Variants in GBX1 observed in about 807,000 individuals in gnomAD.
GBX1 encodes homeobox protein GBX-1.
Under a neutral mutation model 22.9 loss-of-function variants are expected in GBX1, and 9 were observed. That is an observed-to-expected ratio of 0.39 (90% CI 0.24 to 0.69). GBX1 has a LOEUF of 0.69. GBX1 is among the 30% of genes least tolerant of loss of function. The pLI is 0.43. For synonymous variants in GBX1, 203 were observed against 227.3 expected, an observed-to-expected ratio of 0.89 and a Z score of 0.96; for missense variants, 494 against 509.2, an observed-to-expected ratio of 0.97 and a Z score of 0.29.
intron 1 of GBX1, among the ~76,000 whole-genome samples, chr7:151,154,462 T>G (rs554243872): frequency 2.0e-5 from 3 of 152,208 alleles, no homozygotes; most frequent in Non-Finnish European, 4.4e-5. Flanking sequence ...CTGTCCTTTA[T>G]GATGAGGATG....
At chr7:151,166,241 G>A (rs1801248547) in intron 1 of GBX1, among the ~76,000 whole-genome samples, 1 of 152,016 alleles carries the variant, frequency 6.6e-6, no homozygotes, top group Non-Finnish European at 1.5e-5. Flanking sequence ...ATTCATGGAG[G>A]GTCCAGGGCC....
intron 1 of GBX1, among the ~76,000 whole-genome samples, chr7:151,156,032 C>T (rs1801129428): frequency 6.6e-6 from 1 of 152,108 alleles, no homozygotes; most frequent in African/African-American, 2.4e-5. Flanking sequence ...CTTGTAAAAG[C>T]CCTCTCCCCA....
In GBX1 at chr7:151,167,239, C is replaced by T; in HGVS notation, c.310G>A (p.Ala104Thr). The part of the protein sequence containing the change: ...AVPSMVALTT[A>T]LPSFAEPPDA... Reference sequence around the variant, plus strand: ...GGCGGCTCCGCGAAGCTGGGCAGCGCGGTGGTCAGCGCCACCATCGAGGGC... The same window carrying T: ...GGCGGCTCCGCGAAGCTGGGCAGCGTGGTGGTCAGCGCCACCATCGAGGGC... Residue 104 changes from alanine to threonine, a missense_variant, in exon 1 of 2, where the codon GCG (alanine) becomes ACG (threonine). By Grantham distance (58) the Ala-to-Thr change is moderately conservative. Around this residue, in one of 3 missense-constraint regions of GBX1, gnomAD observed 365 missense variants for 340.4 expected, o/e 1.07. Coordinates refer to ENST00000297537, the MANE Select transcript of GBX1 (RefSeq NM_001098834.3). This position sits in a 1 kb window ranked among gnomAD's most constrained non-coding sequence, Gnocchi z 5.9. 6.4e-7 allele frequency: 1 copy of T among 1,551,592 alleles called. No individual in the cohort carries two copies. Among genetic ancestry groups the T allele is most frequent in the Non-Finnish European group, 8.7e-7 (1 of 1,150,830 alleles).
intron 1 of GBX1, among the ~76,000 whole-genome samples, chr7:151,164,539 C>T (rs1445749390): frequency 2.0e-5 from 3 of 152,220 alleles, no homozygotes; most frequent in African/African-American, 4.8e-5. Context: ...AAGCAGCCGT[C>T]ACAGATAGGA....
At chr7:151,149,617 GGGA>G (rs1387382462) in intron 1 of GBX1, among the ~76,000 whole-genome samples, 1 of 152,192 alleles carries the variant, frequency 6.6e-6, no homozygotes, top group Non-Finnish European at 1.5e-5. Context: ...AGCCACTGGG[GGGA>G]GGAGTGAAGC....
At position 151,167,503 on chromosome 7, in the gene GBX1, C is replaced by G; in HGVS notation, c.46G>C (p.Gly16Arg). Residue 16 changes from glycine to arginine, a missense_variant, in exon 1 of 2, where the codon GGC (glycine) becomes CGC (arginine). Gly to Arg is a moderately radical substitution (Grantham distance 125, BLOSUM62 -2). Coordinates refer to ENST00000297537, the MANE Select transcript of GBX1 (RefSeq NM_001098834.3). This position sits in a 1 kb window ranked among gnomAD's most constrained non-coding sequence, Gnocchi z 5.9. ...GGSAPGGNGGGGGGGPGTAFS... is the reference protein window; with the variant it reads ...GGSAPGGNGGRGGGGPGTAFS... ...GCAGTGCCCGGGCCCCCGCCGCCGCCCCCGCCGTTGCCCCCAGGGGCGCTA... is the reference window on the plus strand; with the variant it reads ...GCAGTGCCCGGGCCCCCGCCGCCGCGCCCGCCGTTGCCCCCAGGGGCGCTA... 1 of 1,483,940 alleles carries G rather than the reference C, an allele frequency of 6.7e-7. No homozygotes were observed. Among genetic ancestry groups the G allele is most frequent in the Non-Finnish European group, 8.9e-7 (1 of 1,126,580 alleles). The allele number at this position is 1,483,940 out of a possible 1,614,324, so 91.9% of individuals were successfully genotyped here. A position where few individuals can be genotyped will look rare whatever the true frequency, so the allele number is the denominator to read the frequency against.
Position 151,167,003 on chromosome 7 carries a change from G to A in GBX1, c.538+8C>T, listed in dbSNP as rs1801261144. On this transcript the variant is annotated splice_region_variant and intron_variant, in intron 1 of 1. Coordinates refer to ENST00000297537, the MANE Select transcript of GBX1 (RefSeq NM_001098834.3). This position sits in a 1 kb window ranked among gnomAD's most constrained non-coding sequence, Gnocchi z 5.9. The stretch of plus-strand genomic sequence containing the variant: ...CTCCCGCCAGCCCTGGTCGGCCCTA[G>A]CACTTACCGGGCAGACTTGGAAAAG... 6.2e-7 allele frequency: 1 copy of A among 1,604,946 alleles called. No homozygotes were observed. Among genetic ancestry groups the A allele is most frequent in the Non-Finnish European group, 8.5e-7 (1 of 1,176,980 alleles).
rs1006996543 is a variant in GBX1, at chr7:151,167,263, G to T, written c.286C>A (p.Pro96Thr). ...GCGGTGGTCAGCGCCACCATCGAGG[G>T]CACAGCCTGACCCAGCCCCGCGCAG... ...TFCAGLGQAV[P>T]SMVALTTALP... The change falls in exon 1 of 2, where the codon CCC becomes ACC. Residue 96 changes from proline (P) to threonine (T), a missense_variant. Physicochemically the swap from Pro to Thr is conservative, Grantham distance 38. Around this residue, in one of 3 missense-constraint regions of GBX1, gnomAD observed 365 missense variants for 340.4 expected, o/e 1.07. Transcript: ENST00000297537. The surrounding 1 kb of genome is among the most constrained non-coding windows in gnomAD (Gnocchi z 5.9). 6.5e-7 allele frequency: 1 copy of T among 1,549,576 alleles called. No homozygotes were observed. The highest frequency in any genetic ancestry group is 1.2e-5 in the South Asian group (1 of 83,644).
intron 1 of GBX1, among the ~76,000 whole-genome samples, chr7:151,157,483 C>T (rs1801148186): frequency 6.6e-6 from 1 of 152,194 alleles, no homozygotes; most frequent in Non-Finnish European, 1.5e-5. Context: ...GAACTCTCTT[C>T]AGACCTTCAC....
chr7:151,167,335 G>T lies in GBX1; in HGVS notation c.214C>A (p.Pro72Thr). The T allele has an allele frequency of 6.6e-7, 1 of 1,513,870 alleles. No homozygotes were observed. 93.8% of individuals were successfully genotyped at this position (1,513,870 alleles called of 1,614,324 possible). Residue 72 changes from proline (P) to threonine (T), a missense_variant, in exon 1 of 2, where the codon CCC becomes ACC. Physicochemically the swap from Pro to Thr is conservative, Grantham distance 38. Transcript: ENST00000297537. This position sits in a 1 kb window ranked among gnomAD's most constrained non-coding sequence, Gnocchi z 5.9. Reference sequence around the variant, plus strand: ...GCGAAAGAGGCTAGCGGGGCGAGGGGCGGGAGGCCAGCGGGCAGCGGCGCA... The same window carrying T: ...GCGAAAGAGGCTAGCGGGGCGAGGGTCGGGAGGCCAGCGGGCAGCGGCGCA... ...APAPLPAGLP[P>T]LAPLASFAGR...
chr7:151,160,689 A>T (rs1801179927), intron 1 of GBX1, among the ~76,000 whole-genome samples: 1 of 152,150 alleles, frequency 6.6e-6, no homozygotes, highest in African/African-American at 2.4e-5. Context: ...CCTCTATTGC[A>T]CCAAATGCAA....
At chr7:151,165,971 G>T (rs143775534) in intron 1 of GBX1, among the ~76,000 whole-genome samples, 123 of 152,338 alleles carry the variant, frequency 8.1e-4, no homozygotes, top group Non-Finnish European at 1.4e-3. Context: ...GAATGGTTGA[G>T]CAGAAGCGGT....
chr7:151,149,479 C>T (rs1204376799), intron 1 of GBX1, among the ~76,000 whole-genome samples: 1 of 152,136 alleles, frequency 6.6e-6, no homozygotes, highest in East Asian at 1.9e-4. Context: ...CACCACCTCC[C>T]CAGCTTTCTC....
At position 151,167,149 on chromosome 7, in the gene GBX1, GGGCGGCAGTGGCGGCGGC is replaced by G. The variant is rs764823303; in HGVS notation, c.382_399del (p.Ala128_Ala133del). 18 of 1,598,988 alleles carry G rather than the reference GGGCGGCAGTGGCGGCGGC, an allele frequency of 1.1e-5. No homozygotes were observed. The highest frequency in any genetic ancestry group is 3.4e-5 in the Admixed American group (2 of 58,048). ...CGGCCGCCTGGCTCGGGGTTGTTTC[GGGCGGCAGTGGCGGCGGC>G]GGCGGCAGCGGCGGCGGCGAGCTCC... On this transcript the variant is annotated inframe_deletion, in exon 1 of 2. Transcript: ENST00000297537. This position sits in a 1 kb window ranked among gnomAD's most constrained non-coding sequence, Gnocchi z 5.9.
At position 151,156,385 on chromosome 7, in the gene GBX1, C is replaced by CAAAA. The variant is rs56947735; in HGVS notation, c.539-7247_539-7244dup. ...TGGGCGACAGAGTGAGACCCTGTCTCAAAAAAAAAAAAAAAAAAAAAAAAA... is the reference window on the plus strand; with the variant it reads ...TGGGCGACAGAGTGAGACCCTGTCTCAAAAAAAAAAAAAAAAAAAAAAAAAAAAA... On this transcript the variant is annotated intron_variant, in intron 1 of 1. Coordinates refer to ENST00000297537, the MANE Select transcript of GBX1 (RefSeq NM_001098834.3). 5.5e-3 allele frequency among the ~76,000 whole-genome samples: 88 copies of CAAAA among 15,922 alleles called. 6 individuals are homozygous for CAAAA. The highest frequency in any genetic ancestry group is 8.9e-3 in the Non-Finnish European group (69 of 7,760). 10.4% of individuals were successfully genotyped at this position (15,922 alleles called of 152,430 possible).
rs1801274306 is a variant in GBX1 at position 151,167,507 on chromosome 7, G to A, written c.42C>T (p.Gly14=). Residue 14 remains glycine (G), a synonymous_variant, in exon 1 of 2, where the codon GGC becomes GGT. Transcript: ENST00000297537. This position sits in a 1 kb window ranked among gnomAD's most constrained non-coding sequence, Gnocchi z 5.9. ...AGGGSAPGGN[G]GGGGGGPGTA... is the part of the protein sequence containing the mutation. Reference sequence around the variant, plus strand: ...TGCCCGGGCCCCCGCCGCCGCCCCCGCCGTTGCCCCCAGGGGCGCTACCGC... The same window carrying A: ...TGCCCGGGCCCCCGCCGCCGCCCCCACCGTTGCCCCCAGGGGCGCTACCGC... 2 of 1,481,714 alleles carry A rather than the reference G, an allele frequency of 1.3e-6. No homozygotes were observed. Among genetic ancestry groups the A allele is most frequent in the African/African-American group, 3.0e-5 (2 of 67,080 alleles). 91.8% of individuals were successfully genotyped at this position (1,481,714 alleles called of 1,614,324 possible).
At chr7:151,150,530 C>T (rs1801065291) in intron 1 of GBX1, among the ~76,000 whole-genome samples, 1 of 152,134 alleles carries the variant, frequency 6.6e-6, no homozygotes, top group Non-Finnish European at 1.5e-5. Flanking sequence ...AAATTCAGGG[C>T]ACGGGGAAAG....
intron 1 of GBX1, among the ~76,000 whole-genome samples, chr7:151,164,988 A>C (rs185379817): frequency 2.3e-4 from 34 of 150,572 alleles, no homozygotes; most frequent in South Asian, 8.4e-4. Flanking sequence ...CACACACACA[A>C]ACACACACAC....
At chr7:151,162,624 A>G (rs1801197589) in intron 1 of GBX1, among the ~76,000 whole-genome samples, 1 of 152,218 alleles carries the variant, frequency 6.6e-6, no homozygotes, top group African/African-American at 2.4e-5. Flanking sequence ...CACTATGCCC[A>G]ATACTGGTAT....
Sources: gnomAD v4.1 joint callset for allele counts (sites outside exome capture counted in the v4.1 genomes callset) on GRCh38, gnomAD v4.1.1 for gene constraint, gnomAD v4.1.1 regional missense constraint, Gnocchi (gnomAD v3.1) non-coding constraint, MANE v1.5 for transcripts, NCBI Gene and HGNC (gene_info 2026-07-23, HGNC 2026-07-21) for gene names.